The following C3orf20 variants were observed in gnomAD, a reference collection of about 807,000 sequenced individuals.
C3orf20 encodes the protein uncharacterized protein C3orf20.
C3orf20 carries 76 observed loss-of-function variants against 88.3 expected under a neutral mutation model. The observed-to-expected ratio is 0.86, with a 90% confidence interval of 0.72 to 1.04. C3orf20 has a LOEUF of 1.04. Ranked by LOEUF, C3orf20 falls within the 50% of genes least tolerant of loss-of-function variation. The pLI, the probability that C3orf20 is intolerant of heterozygous loss-of-function variation, is 0.00. For synonymous variants in C3orf20, 436 were observed against 437.4 expected (o/e 1.00, Z 0.04); for missense variants, 1,056 against 1,123.3 (o/e 0.94, Z 0.86).
At chr3:14,686,878 C>T (rs2032458312) in intron 4 of C3orf20, among the ~76,000 whole-genome samples, 1 of 152,216 alleles carries the variant, frequency 6.6e-6, no homozygotes, top group Non-Finnish European at 1.5e-5. Context: ...CTTTGTCAGG[C>T]TCCCCTGATG....
rs1559392983 is a variant in C3orf20 at position 14,683,065 on chromosome 3, AC to A, written c.355del (p.Leu119SerfsTer16). 6.2e-7 allele frequency: 1 copy of A among 1,611,028 alleles called. No individual in the cohort carries two copies. On this transcript the variant is annotated frameshift_variant, in exon 3 of 17. Transcript: ENST00000253697. LOFTEE classifies it high-confidence loss of function. ...LATTGAAKRS[T>X]LSPTMARQVR... ...AACCACTGGGGCAGCCAAGCGCTCC[AC>A]CCTCTCTCCCACCATGGCCCGTCAG...
intron 5 of C3orf20, among the ~76,000 whole-genome samples, chr3:14,700,843 G>A (rs2033232153): frequency 6.6e-6 from 1 of 152,234 alleles, no homozygotes; most frequent in African/African-American, 2.4e-5. Context: ...CACTTTGGGT[G>A]TCGGGGCCTC....
At chr3:14,721,509 C>G (rs1431387917) in intron 9 of C3orf20, 144 bp from the exon 10 acceptor site, 1 of 1,192,910 alleles carries the variant, frequency 8.4e-7, no homozygotes, top group African/African-American at 1.5e-5. Context: ...CTCCATGAAG[C>G]GGAATTCTAA....
rs779649192 is a variant in C3orf20 at position 14,684,232 on chromosome 3, A to T, written c.485-10A>T. On this transcript the variant is annotated splice_polypyrimidine_tract_variant and intron_variant, in intron 3 of 16. Transcript: ENST00000253697. ...GGAGGGACACGTGTTGCTTTCTATC[A>T]TTGCTTTAGTGGGTGCCAACCCCTT... 39 of 1,613,330 alleles carry T rather than the reference A, an allele frequency of 2.4e-5. 2 individuals are homozygous for T. In the South Asian group the frequency reaches 4.1e-4, roughly 17 times the overall value.
chr3:14,681,615 C>T (rs2032095179), intron 1 of C3orf20, among the ~76,000 whole-genome samples: 1 of 152,166 alleles, frequency 6.6e-6, no homozygotes, highest in South Asian at 2.1e-4. Flanking sequence ...GAGTCTTTCA[C>T]GGAGGCTCAC....
intron 5 of C3orf20, among the ~76,000 whole-genome samples, chr3:14,700,526 C>G (rs570748164): frequency 6.6e-5 from 10 of 152,334 alleles, no homozygotes; most frequent in African/African-American, 2.4e-4. Flanking sequence ...ATGTATTTCT[C>G]AAGGACTCGG....
At chr3:14,739,234 G>A (rs976139435) in intron 12 of C3orf20, among the ~76,000 whole-genome samples, 2 of 152,174 alleles carry the variant, frequency 1.3e-5, no homozygotes, top group African/African-American at 4.8e-5. Flanking sequence ...AGACTTGAAA[G>A]TCTACTCCTT....
chr3:14,678,451 G>A (rs1432622612), intron 1 of C3orf20, among the ~76,000 whole-genome samples: 1 of 152,188 alleles, frequency 6.6e-6, no homozygotes, highest in Non-Finnish European at 1.5e-5. Flanking sequence ...CTGACTTACT[G>A]TAGCCTTCTG....
chr3:14,708,587 T>C (rs1191622787), intron 7 of C3orf20, among the ~76,000 whole-genome samples: 1 of 152,174 alleles, frequency 6.6e-6, no homozygotes, highest in Non-Finnish European at 1.5e-5. Context: ...TGATAGGCAT[T>C]GCATTGATTC....
chr3:14,675,324 ATCC>A (rs2031699811), intron 1 of C3orf20, 72 bp downstream of exon 1: 1 of 152,262 alleles, frequency 6.6e-6, no homozygotes, highest in African/African-American at 2.4e-5. Context: ...TACTGCAGTC[ATCC>A]TGCCTGCCCC....
chr3:14,772,024 C>A lies in C3orf20; in HGVS notation c.2496-43C>A. ...CACTGATGGGACAGCGTGCAGTGCA[C>A]CCTGGGCCCTGAGCACTGCCCCCGA... On this transcript the variant is annotated intron_variant, in intron 15 of 16. Coordinates refer to ENST00000253697, the MANE Select transcript of C3orf20 (RefSeq NM_032137.5). This position sits in a 1 kb window ranked among gnomAD's most constrained non-coding sequence, Gnocchi z 4.2. The A allele has an allele frequency of 1.2e-6, 2 of 1,612,758 alleles. No individual in the cohort carries two copies. The highest frequency in any genetic ancestry group is 1.7e-6 in the Non-Finnish European group (2 of 1,179,268).
At chr3:14,747,369 G>A (rs1224867356) in intron 12 of C3orf20, among the ~76,000 whole-genome samples, 4 of 152,176 alleles carry the variant, frequency 2.6e-5, no homozygotes, top group Non-Finnish European at 5.9e-5. Flanking sequence ...AGCTGGCTTT[G>A]TTAAACTCCC....
chr3:14,757,258 G>C, intron 12 of C3orf20, 113 bp from the exon 13 acceptor site: 1 of 893,666 alleles, frequency 1.1e-6, no homozygotes, highest in Non-Finnish European at 1.7e-6. Flanking sequence ...GCAGGGCCCA[G>C]ACTAAAATCT....
intron 12 of C3orf20, among the ~76,000 whole-genome samples, chr3:14,741,236 C>T (rs1344478734): frequency 1.3e-5 from 2 of 152,046 alleles, no homozygotes. Flanking sequence ...AGATATAGCT[C>T]TTCGGGTCCT....
intron 5 of C3orf20, among the ~76,000 whole-genome samples, chr3:14,700,488 C>T (rs1167075870): frequency 6.6e-6 from 1 of 152,188 alleles, no homozygotes; most frequent in Non-Finnish European, 1.5e-5. Context: ...ACTATCCATG[C>T]TTTCAGGCAT....
intron 7 of C3orf20, among the ~76,000 whole-genome samples, chr3:14,713,641 G>T (rs2033830365): frequency 2.0e-5 from 3 of 152,154 alleles, no homozygotes; most frequent in Admixed American, 6.5e-5. Flanking sequence ...CTGCACTTTG[G>T]ATTCCTCATC....
chr3:14,746,618 G>T lies in C3orf20; in HGVS notation c.1941-10753G>T, dbSNP rs141948191. 3.5e-3 allele frequency among the ~76,000 whole-genome samples: 532 copies of T among 152,300 alleles called. 1 individual carries two copies. The highest frequency in any genetic ancestry group is 0.012 in the African/African-American group (497 of 41,554). ...CTAGTTGTCCCTCAGTGTCAGGATG[G>T]ACCTGTTCCAGTGGTCTCTGGTCTC... On this transcript the variant is annotated intron_variant, in intron 12 of 16. Coordinates refer to ENST00000253697, the MANE Select transcript of C3orf20 (RefSeq NM_032137.5).
At chr3:14,726,846 C>T in intron 10 of C3orf20, 55 bp from the exon 11 acceptor site, 1 of 1,610,920 alleles carries the variant, frequency 6.2e-7, no homozygotes, top group Non-Finnish European at 8.5e-7. Context: ...CTGGACTAGG[C>T]AGCTGGCTCT....
At chr3:14,744,613 T>C (rs2035007183) in intron 12 of C3orf20, among the ~76,000 whole-genome samples, 1 of 151,906 alleles carries the variant, frequency 6.6e-6, no homozygotes, top group Admixed American at 6.5e-5. Flanking sequence ...TACTCGAAAC[T>C]GGGAATGAAA....
Sources: allele counts gnomAD v4.1 joint callset (sites outside exome capture counted in the v4.1 genomes callset), GRCh38; gene constraint gnomAD v4.1.1; non-coding constraint Gnocchi (gnomAD v3.1); transcripts MANE v1.5; gene names NCBI Gene and HGNC (gene_info 2026-07-23, HGNC 2026-07-21).